Variants in EPHB2 observed in about 807,000 individuals in gnomAD.
EPHB2 encodes ephrin type-B receptor 2.
Under a neutral mutation model 96.4 loss-of-function variants are expected in EPHB2, and 18 were observed. The observed-to-expected ratio is 0.19, with a 90% confidence interval of 0.13 to 0.28. The LOEUF (loss-of-function observed/expected upper bound fraction) is 0.28, where lower values mean the gene tolerates loss of function less well. Among genes scored for constraint, EPHB2 ranks in the 10% least tolerant of loss-of-function variants. EPHB2 has a pLI of 1.00. For missense variants in EPHB2, 989 were observed against 1,355.4 expected (o/e 0.73, Z 4.25); for synonymous variants, 506 against 534.1 (o/e 0.95, Z 0.72).
At chr1:22,845,122 G>T (rs1260757661) in intron 3 of EPHB2, among the ~76,000 whole-genome samples, 1 of 152,246 alleles carries the variant, frequency 6.6e-6, no homozygotes, top group African/African-American at 2.4e-5. Flanking sequence ...TGAGCGAGCA[G>T]TGGCTGAAAG....
At chr1:22,854,966 A>G (rs1233661462) in intron 3 of EPHB2, among the ~76,000 whole-genome samples, 1 of 152,112 alleles carries the variant, frequency 6.6e-6, no homozygotes, top group African/African-American at 2.4e-5. Flanking sequence ...TGCCCTACAC[A>G]TGGCACAAAC....
chr1:22,784,895 C>T lies in EPHB2; in HGVS notation c.630C>T (p.Thr210=), dbSNP rs1644586789. 1 of 1,613,928 alleles carries T rather than the reference C, an allele frequency of 6.2e-7. No individual in the cohort carries two copies. Among genetic ancestry groups the T allele is most frequent in the Admixed American group, 1.7e-5 (1 of 60,034 alleles). The part of the protein sequence containing the change: ...IIQNGAIFQE[T]LSGAESTSLV... ...AGAATGGCGCCATCTTCCAGGAAACCCTGTCGGGGGCTGAGAGCACATCGC... is the reference window on the plus strand; with the variant it reads ...AGAATGGCGCCATCTTCCAGGAAACTCTGTCGGGGGCTGAGAGCACATCGC... Residue 210 remains threonine (T), a synonymous_variant, in exon 3 of 16, where the codon ACC becomes ACT. Coordinates refer to ENST00000374630, the MANE Select transcript of EPHB2 (RefSeq NM_017449.5). The surrounding 1 kb of genome is among the most constrained non-coding windows in gnomAD (Gnocchi z 5.1).
At chr1:22,753,021 T>C (rs548836669) in intron 1 of EPHB2, among the ~76,000 whole-genome samples, 1 of 152,104 alleles carries the variant, frequency 6.6e-6, no homozygotes, top group African/African-American at 2.4e-5. Context: ...GCTCAAGTGA[T>C]CCTCCTGTCT....
Position 22,711,030 on chromosome 1 carries a change from C to A in EPHB2, c.48C>A (p.Leu16=). Residue 16 remains leucine (L), a synonymous_variant, in exon 1 of 16, where the codon CTC becomes CTA. Transcript: ENST00000374630. The stretch of plus-strand genomic sequence containing the variant: ...CCGCGCTGCTGCTGCTGCCGCTGCT[C>A]GCCGCCGTGGAAGGTGAGCGAGCGG... ...LGAALLLLPL[L]AAVEETLMDS... is the part of the protein sequence containing the mutation. The A allele has an allele frequency of 6.7e-6, 1 of 149,432 alleles. No individual in the cohort carries two copies. Among genetic ancestry groups the A allele is most frequent in the South Asian group, 1.7e-4 (1 of 5,752 alleles). The allele number at this position is 149,432 out of a possible 1,614,324, so 9.3% of individuals were successfully genotyped here. A position where few individuals can be genotyped will look rare whatever the true frequency, so the allele number is the denominator to read the frequency against.
intron 1 of EPHB2, among the ~76,000 whole-genome samples, chr1:22,775,439 A>G (rs1367395408): frequency 6.6e-6 from 1 of 152,272 alleles, no homozygotes; most frequent in African/African-American, 2.4e-5. Context: ...GACAAACAGC[A>G]TCTGTGGTCC....
At position 22,793,145 on chromosome 1, in the gene EPHB2, TTCTC is replaced by T. The variant is rs144174431; in HGVS notation, c.811+8073_811+8076del. Among the ~76,000 whole-genome samples, 223 of 152,276 alleles carry T rather than the reference TTCTC, an allele frequency of 1.5e-3. 8 individuals are homozygous for T. The East Asian group carries it at 0.034, about 23-fold the overall frequency. On this transcript the variant is annotated intron_variant, in intron 3 of 15. Transcript: ENST00000374630. ...GGATCTCAGGACATGAGATGATTCT[TTCTC>T]TCTGGTCTTCAAATTCCTAGTGATC...
chr1:22,766,443 G>A (rs140876334), intron 1 of EPHB2, among the ~76,000 whole-genome samples: 42 of 152,352 alleles, frequency 2.8e-4, no homozygotes, highest in African/African-American at 8.7e-4. Context: ...GTTCTCAGTC[G>A]TGTTGGCCTC....
chr1:22,768,107 T>A (rs988285921), intron 1 of EPHB2, among the ~76,000 whole-genome samples: 1 of 152,134 alleles, frequency 6.6e-6, no homozygotes, highest in African/African-American at 2.4e-5. Context: ...CAAGCGTTAC[T>A]GTGGGAGGGA....
At chr1:22,750,517 G>T (rs1644045360) in intron 1 of EPHB2, among the ~76,000 whole-genome samples, 2 of 152,164 alleles carry the variant, frequency 1.3e-5, no homozygotes, top group African/African-American at 4.8e-5. Flanking sequence ...CAGTAAGAAA[G>T]TTCCCCTTCC....
intron 1 of EPHB2, among the ~76,000 whole-genome samples, chr1:22,714,226 C>T (rs1482675686): frequency 6.6e-6 from 1 of 152,092 alleles, no homozygotes; most frequent in Non-Finnish European, 1.5e-5. Flanking sequence ...GGCTGTGAAC[C>T]CCCCGGGGCG....
chr1:22,908,218 A>G, intron 12 of EPHB2, 50 bp downstream of exon 12: 1 of 1,603,178 alleles, frequency 6.2e-7, no homozygotes, highest in African/African-American at 1.3e-5. Flanking sequence ...AGAAGAGGGC[A>G]TGAGTGTCCA....
chr1:22,882,655 A>G (rs1441374010), intron 6 of EPHB2, 172 bp downstream of exon 6: 20 of 969,834 alleles, frequency 2.1e-5, no homozygotes, highest in Non-Finnish European at 2.9e-5. Context: ...GCTCCTTCCC[A>G]CTGTGAGACC....
intron 3 of EPHB2, among the ~76,000 whole-genome samples, chr1:22,803,589 G>C (rs1022786354): frequency 1.3e-5 from 2 of 149,814 alleles, no homozygotes; most frequent in Non-Finnish European, 3.0e-5. Context: ...CTGGGCAATA[G>C]AGTGAGACCC....
chr1:22,820,689 T>A (rs1251811620), intron 3 of EPHB2, among the ~76,000 whole-genome samples: 4 of 152,036 alleles, frequency 2.6e-5, no homozygotes, highest in Non-Finnish European at 2.9e-5. Flanking sequence ...AGAAAAAAAA[T>A]TAGCAACTAT....
chr1:22,865,020 G>A lies in EPHB2; in HGVS notation c.1111G>A (p.Ala371Thr), dbSNP rs200609603. Residue 371 changes from alanine to threonine, a missense_variant, in exon 5 of 16, where the codon GCC (alanine) becomes ACC (threonine). Coordinates refer to ENST00000374630, the MANE Select transcript of EPHB2 (RefSeq NM_017449.5). Reference sequence around the variant, plus strand: ...CAAGAGCTGTGGCTCGGGCCGGGGTGCCTGCACCCGCTGCGGGGACAATGT... The same window carrying A: ...CAAGAGCTGTGGCTCGGGCCGGGGTACCTGCACCCGCTGCGGGGACAATGT... ...ICKSCGSGRG[A>T]CTRCGDNVQY... The A allele has an allele frequency of 6.2e-7, 1 of 1,612,644 alleles. No homozygotes were observed. Among genetic ancestry groups the A allele is most frequent in the Non-Finnish European group, 8.5e-7 (1 of 1,178,868 alleles).
intron 5 of EPHB2, 123 bp downstream of exon 5, chr1:22,865,335 A>T: frequency 8.7e-7 from 1 of 1,153,868 alleles, no homozygotes; most frequent in East Asian, 2.5e-5. Context: ...AAGGCTTTTC[A>T]TGTGATCGGT....
chr1:22,891,762 G>A (rs899165669), intron 6 of EPHB2, among the ~76,000 whole-genome samples: 2 of 151,676 alleles, frequency 1.3e-5, no homozygotes, highest in African/African-American at 4.8e-5. Context: ...GATAGAGGTG[G>A]CTCCATGCAA....
chr1:22,871,784 G>A (rs941680032), intron 5 of EPHB2, among the ~76,000 whole-genome samples: 7 of 152,186 alleles, frequency 4.6e-5, no homozygotes, highest in African/African-American at 1.7e-4. Flanking sequence ...TTAGGAGGCT[G>A]AGGCGGGTGG....
At chr1:22,773,184 A>G (rs1644402421) in intron 1 of EPHB2, among the ~76,000 whole-genome samples, 1 of 152,214 alleles carries the variant, frequency 6.6e-6, no homozygotes, top group African/African-American at 2.4e-5. Context: ...GGATTTTGTC[A>G]TCTCCATTTT....
Sources: allele counts gnomAD v4.1 joint callset (sites outside exome capture counted in the v4.1 genomes callset), GRCh38; gene constraint gnomAD v4.1.1; non-coding constraint Gnocchi (gnomAD v3.1); transcripts MANE v1.5; gene names NCBI Gene and HGNC (gene_info 2026-07-23, HGNC 2026-07-21).